Variants in B3GALT1 observed in about 807,000 individuals in gnomAD.
B3GALT1 encodes the protein UDP-Gal:betaGlcNAc beta 1,3-galactosyltransferase, polypeptide 1.
Under a neutral mutation model 23.2 loss-of-function variants are expected in B3GALT1, and 10 were observed. The ratio of observed to expected loss-of-function variants is 0.43; its 90% confidence interval spans 0.27 to 0.73. The LOEUF (loss-of-function observed/expected upper bound fraction) is 0.73. Ranked by LOEUF, B3GALT1 falls within the 30% of genes least tolerant of loss-of-function variation. The probability of loss-of-function intolerance (pLI) is 0.21; values close to 1 mark genes in which losing one functional copy is unlikely to be tolerated. For missense variants in B3GALT1, 299 were observed against 405.4 expected (o/e 0.74, Z 2.25); for synonymous variants, 156 against 141.5 (o/e 1.10, Z -0.73).
chr2:167,744,353 C>T (rs1299034185), intron 3 of B3GALT1, among the ~76,000 whole-genome samples: 1 of 152,004 alleles, frequency 6.6e-6, no homozygotes, highest in African/African-American at 2.4e-5. Context: ...GTAGTGCTAG[C>T]AATTTTAAAA....
chr2:167,705,641 A>G (rs1040436873), intron 3 of B3GALT1, among the ~76,000 whole-genome samples: 4 of 152,218 alleles, frequency 2.6e-5, no homozygotes, highest in Non-Finnish European at 4.4e-5. Context: ...TGATGCAGCT[A>G]GAGCTGTAAC....
intron 2 of B3GALT1, among the ~76,000 whole-genome samples, chr2:167,514,855 G>A (rs997834334): frequency 2.0e-5 from 3 of 151,974 alleles, no homozygotes; most frequent in African/African-American, 7.3e-5. Context: ...ATAGGTAATA[G>A]GATCTGGTTA....
intron 2 of B3GALT1, among the ~76,000 whole-genome samples, chr2:167,522,604 A>G (rs1354892223): frequency 6.6e-6 from 1 of 152,120 alleles, no homozygotes; most frequent in East Asian, 1.9e-4. Context: ...TTGGTTGTGT[A>G]TTTAATTCAC....
chr2:167,700,725 G>A (rs1323509199), intron 3 of B3GALT1, among the ~76,000 whole-genome samples: 1 of 152,146 alleles, frequency 6.6e-6, no homozygotes, highest in Non-Finnish European at 1.5e-5. Flanking sequence ...GTGCGGGTAG[G>A]GTTGAGATTG....
chr2:167,872,838 G>C lies in B3GALT1; in HGVS notation c.*2818G>C, dbSNP rs1690378961. On this transcript the variant is annotated 3_prime_UTR_variant, in exon 5 of 5. Coordinates refer to ENST00000392690, the MANE Select transcript of B3GALT1 (RefSeq NM_020981.4). ...AAGACCACATGTATATATTTTAAAG[G>C]CATTTTTTCTTCTCCCCAACTGTAT... 1 of 152,014 alleles carries C rather than the reference G, an allele frequency of 6.6e-6. No individual in the cohort carries two copies. Among genetic ancestry groups the C allele is most frequent in the Non-Finnish European group, 1.5e-5 (1 of 67,998 alleles). The allele number at this position is 152,014 out of a possible 1,614,324, so 9.4% of individuals were successfully genotyped here.
At chr2:167,404,130 T>C (rs889586792) in intron 1 of B3GALT1, among the ~76,000 whole-genome samples, 1 of 151,858 alleles carries the variant, frequency 6.6e-6, no homozygotes, top group Non-Finnish European at 1.5e-5. Flanking sequence ...TGGTGGAAGG[T>C]GGAGAGCCAG....
intron 2 of B3GALT1, among the ~76,000 whole-genome samples, chr2:167,616,277 G>A (rs560700271): frequency 4.6e-5 from 7 of 152,094 alleles, no homozygotes; most frequent in Admixed American, 2.0e-4. Context: ...TCTCTAGAGG[G>A]CAATTTTGCA....
At chr2:167,442,251 G>A (rs1698906803) in intron 1 of B3GALT1, among the ~76,000 whole-genome samples, 2 of 152,098 alleles carry the variant, frequency 1.3e-5, no homozygotes, top group Non-Finnish European at 2.9e-5. Flanking sequence ...GTGTATATGT[G>A]CCACATTTTC....
At chr2:167,542,147 G>A (rs1683543749) in intron 2 of B3GALT1, among the ~76,000 whole-genome samples, 1 of 151,466 alleles carries the variant, frequency 6.6e-6, no homozygotes, top group Non-Finnish European at 1.5e-5. Context: ...TTTTTTAAAT[G>A]TTTCACTTAT....
intron 3 of B3GALT1, among the ~76,000 whole-genome samples, chr2:167,702,233 T>C (rs1686891657): frequency 6.6e-6 from 1 of 152,138 alleles, no homozygotes. Flanking sequence ...GCAGCAACTC[T>C]GTGGAAAAGC....
intron 1 of B3GALT1, among the ~76,000 whole-genome samples, chr2:167,389,710 C>T (rs1697987293): frequency 6.6e-6 from 1 of 151,950 alleles, no homozygotes; most frequent in South Asian, 2.1e-4. Flanking sequence ...AGATGCAAAG[C>T]CTAGCCACCT....
chr2:167,537,118 G>A (rs907969921), intron 2 of B3GALT1, among the ~76,000 whole-genome samples: 1 of 152,088 alleles, frequency 6.6e-6, no homozygotes, highest in Admixed American at 6.5e-5. Context: ...CACATGGCTG[G>A]GGAGGCCTCA....
intron 1 of B3GALT1, among the ~76,000 whole-genome samples, chr2:167,442,983 T>G (rs1460043476): frequency 4.6e-5 from 7 of 151,446 alleles, no homozygotes; most frequent in Admixed American, 2.6e-4. Flanking sequence ...TGCCTAGGTT[T>G]TCTTCTAGGG....
intron 1 of B3GALT1, among the ~76,000 whole-genome samples, chr2:167,339,258 T>C (rs1697111035): frequency 6.6e-6 from 1 of 152,162 alleles, no homozygotes; most frequent in Non-Finnish European, 1.5e-5. Flanking sequence ...ACAATTTAAA[T>C]TTCAAAATAA....
At chr2:167,680,683 A>T (rs1574209540) in intron 3 of B3GALT1, among the ~76,000 whole-genome samples, 1 of 152,272 alleles carries the variant, frequency 6.6e-6, no homozygotes, top group Non-Finnish European at 1.5e-5. Context: ...CAAGAGGTTA[A>T]GGGATTTGTC....
intron 2 of B3GALT1, among the ~76,000 whole-genome samples, chr2:167,576,216 T>C (rs1276827002): frequency 6.6e-6 from 1 of 151,798 alleles, no homozygotes; most frequent in East Asian, 1.9e-4. Context: ...AATACTTCCC[T>C]TTTCAAAATG....
At chr2:167,635,890 T>C (rs1201587986) in intron 2 of B3GALT1, among the ~76,000 whole-genome samples, 1 of 151,854 alleles carries the variant, frequency 6.6e-6, no homozygotes, top group Non-Finnish European at 1.5e-5. Flanking sequence ...GCCAAGACAA[T>C]CCTAAGCAAA....
intron 2 of B3GALT1, among the ~76,000 whole-genome samples, chr2:167,499,272 T>C (rs1190965381): frequency 6.6e-6 from 1 of 152,180 alleles, no homozygotes; most frequent in African/African-American, 2.4e-5. Context: ...ATGAAACAAA[T>C]CTTAAAATCA....
chr2:167,701,945 T>C (rs1350228457), intron 3 of B3GALT1, among the ~76,000 whole-genome samples: 1 of 152,182 alleles, frequency 6.6e-6, no homozygotes, highest in Non-Finnish European at 1.5e-5. Flanking sequence ...CATTTCAAAT[T>C]ATGCCCACTA....
Sources: allele counts gnomAD v4.1 joint callset (sites outside exome capture counted in the v4.1 genomes callset), GRCh38; gene constraint gnomAD v4.1.1; transcripts MANE v1.5; gene names NCBI Gene and HGNC (gene_info 2026-07-23, HGNC 2026-07-21).